IQCB1: variants seen among roughly 807,000 people sequenced by gnomAD.
The protein encoded by IQCB1 is IQ motif containing B1, also known as IQ calmodulin-binding motif-containing protein 1.
A neutral mutation model predicts 84.4 loss-of-function variants in IQCB1; 56 were observed. The ratio of observed to expected loss-of-function variants is 0.66; its 90% CI spans 0.54 to 0.83. IQCB1 has a LOEUF of 0.83. Among genes scored for constraint, IQCB1 ranks in the 40% least tolerant of loss-of-function variants. IQCB1 has a pLI of 0.00. For missense variants in IQCB1, 629 were observed against 682.1 expected (o/e 0.92, Z 0.87); for synonymous variants, 210 against 234.8 (o/e 0.89, Z 0.96).
At chr3:121,808,157 G>A (rs1273986342) in intron 6 of IQCB1, among the ~76,000 whole-genome samples, 3 of 151,916 alleles carry the variant, frequency 2.0e-5, no homozygotes, top group African/African-American at 4.8e-5. Context: ...CTAACTGAAC[G>A]TAGTTGCCTT....
chr3:121,799,234 T>C lies in IQCB1; in HGVS notation c.728A>G (p.Glu243Gly). ...LLLLMAESHQ[E>G]ILILLRQSTC... ...ACTTTGTCTCAGTAAAATCAAAATT[T>C]CCTGATGGGATTCAGCCATCAACAG... The change falls in exon 8 of 15, where the codon GAA becomes GGA. Residue 243 changes from glutamate (E) to glycine (G), a missense_variant. Coordinates refer to ENST00000310864, the MANE Select transcript of IQCB1 (RefSeq NM_001023570.4). 6.2e-7 allele frequency: 1 copy of C among 1,610,858 alleles called. No homozygotes were observed. The highest frequency in any genetic ancestry group is 8.5e-7 in the Non-Finnish European group (1 of 1,178,094).
chr3:121,779,063 G>A (rs6438661), intron 13 of IQCB1, among the ~76,000 whole-genome samples: 41,789 of 151,738 alleles, frequency 0.28, 6,280 homozygotes, highest in Admixed American at 0.44. Context: ...AGAACTTAAA[G>A]TATAATAAAA....
chr3:121,826,059 C>G lies in IQCB1; in HGVS notation c.385G>C (p.Ala129Pro), dbSNP rs767567960. The G allele has an allele frequency of 6.2e-7, 1 of 1,612,466 alleles. No homozygotes were observed. The highest frequency in any genetic ancestry group is 8.5e-7 in the Non-Finnish European group (1 of 1,178,636). The change falls in exon 5 of 15, where the codon GCA (alanine) becomes CCA (proline). Residue 129 changes from alanine to proline, a missense_variant. Transcript: ENST00000310864. ...GRQLQTCFIN[A>P]AKAEEKDELL... ...ACTAAATAAACACATACCTTAGCTG[C>G]ATTGATAAAACATGTTTGTAATTGT...
chr3:121,775,703 A>T (rs1948198349), intron 13 of IQCB1, among the ~76,000 whole-genome samples: 1 of 151,804 alleles, frequency 6.6e-6, no homozygotes, highest in Non-Finnish European at 1.5e-5. Flanking sequence ...GGACCCCTAA[A>T]TTTTTTTTTA....
intron 5 of IQCB1, among the ~76,000 whole-genome samples, chr3:121,809,970 G>A (rs183319285): frequency 1.5e-3 from 228 of 149,586 alleles, no homozygotes; most frequent in Admixed American, 3.6e-3. Context: ...CATAAGAAAC[G>A]TCACATTAGA....
chr3:121,810,977 C>A (rs568825235), intron 5 of IQCB1, among the ~76,000 whole-genome samples: 3 of 152,296 alleles, frequency 2.0e-5, no homozygotes, highest in African/African-American at 7.2e-5. Context: ...GAGTTAAATT[C>A]TCTGCCAGGG....
chr3:121,807,137 T>C (rs1223750629), intron 7 of IQCB1, among the ~76,000 whole-genome samples: 2 of 111,868 alleles, frequency 1.8e-5, no homozygotes, highest in African/African-American at 7.0e-5. Flanking sequence ...TTAATTTTTC[T>C]GAAAGACAAT....
rs1708144303 is a variant in IQCB1, at chr3:121,834,471, C to CA, written c.-94dup. 1 of 152,238 alleles carries CA rather than the reference C, an allele frequency of 6.6e-6. No individual in the cohort carries two copies. The highest frequency in any genetic ancestry group is 1.5e-5 in the Non-Finnish European group (1 of 68,080). 9.4% of individuals were successfully genotyped at this position (152,238 alleles called of 1,614,324 possible). ...CCCTCGCCGCGCCTGTTACTGCCTC[C>CA]ACGGATCACTGTGAGGAAAATAAAT... is the stretch of plus-strand genomic sequence containing the variant. On this transcript the variant is annotated 5_prime_UTR_variant, in exon 2 of 15. An upstream open reading frame in the 5' UTR loses its in-frame stop. Coordinates refer to ENST00000310864, the MANE Select transcript of IQCB1 (RefSeq NM_001023570.4).
intron 13 of IQCB1, among the ~76,000 whole-genome samples, chr3:121,775,039 G>T (rs764191038): frequency 2.0e-5 from 3 of 152,132 alleles, no homozygotes; most frequent in Non-Finnish European, 2.9e-5. Flanking sequence ...GATTAAATTT[G>T]TAAATGATTA....
rs181641393 is a variant in IQCB1 at position 121,815,594 on chromosome 3, G to C, written c.394-6585C>G. Among the ~76,000 whole-genome samples the C allele has an allele frequency of 9.2e-5, 14 of 152,154 alleles. No individual in the cohort carries two copies. In the East Asian group the frequency reaches 2.7e-3, roughly 29 times the overall value. ...CAAAACCAATCTGCAAAAATCACAA[G>C]CATTCCTATACACCAATGATAGACA... On this transcript the variant is annotated intron_variant, in intron 5 of 14. Coordinates refer to ENST00000310864, the MANE Select transcript of IQCB1 (RefSeq NM_001023570.4).
chr3:121,819,865 T>C (rs955400248), intron 5 of IQCB1, among the ~76,000 whole-genome samples: 9 of 152,216 alleles, frequency 5.9e-5, no homozygotes, highest in African/African-American at 1.9e-4. Flanking sequence ...ATATTTTATA[T>C]TAGCATTTTT....
intron 10 of IQCB1, among the ~76,000 whole-genome samples, chr3:121,793,459 T>C (rs1001369156): frequency 2.0e-5 from 3 of 151,772 alleles, no homozygotes; most frequent in Admixed American, 2.0e-4. Context: ...CTGAGATAAG[T>C]CCTGAGCACA....
chr3:121,786,170 C>CAAGAAAAGAAAGAAAAGAAAAGAAAAG, intron 12 of IQCB1, among the ~76,000 whole-genome samples: 1 of 72,876 alleles, frequency 1.4e-5, no homozygotes, highest in Non-Finnish European at 2.5e-5. Flanking sequence ...GATTCTGTCT[C>CAAGAAAAGAAAGAAAAGAAAAGAAAAG]AAAAGAAAAG....
chr3:121,819,009 T>C (rs969535464), intron 5 of IQCB1, among the ~76,000 whole-genome samples: 15 of 152,166 alleles, frequency 9.9e-5, no homozygotes, highest in South Asian at 2.1e-4. Context: ...GTCTCTAACC[T>C]TTTTTGCACC....
In IQCB1 at chr3:121,826,065, T is replaced by C. The variant is rs761212447; in HGVS notation, c.379A>G (p.Ile127Val). ...TAAACACATACCTTAGCTGCATTGA[T>C]AAAACATGTTTGTAATTGTCTCCCC... ...VLGRQLQTCF[I>V]NAAKAEEKDE... Residue 127 changes from isoleucine to valine, a missense_variant, in exon 5 of 15, where the codon ATC becomes GTC. By Grantham distance (29) the Ile-to-Val change is conservative (BLOSUM62 3). Transcript: ENST00000310864. 3.7e-6 allele frequency: 6 copies of C among 1,612,968 alleles called. No homozygotes were observed. Among genetic ancestry groups the C allele is most frequent in the Non-Finnish European group, 4.2e-6 (5 of 1,179,040 alleles).
chr3:121,782,244 G>T (rs1948528613), intron 12 of IQCB1, among the ~76,000 whole-genome samples: 1 of 152,216 alleles, frequency 6.6e-6, no homozygotes, highest in Admixed American at 6.5e-5. Context: ...ACACAGCCTA[G>T]ATGATTGTAA....
At chr3:121,819,253 A>G (rs1397909129) in intron 5 of IQCB1, among the ~76,000 whole-genome samples, 2 of 152,204 alleles carry the variant, frequency 1.3e-5, no homozygotes, top group South Asian at 2.1e-4. Context: ...GGAGACAGTG[A>G]CAAATCATCA....
intron 2 of IQCB1, 52 bp from the exon 3 acceptor site, chr3:121,829,024 A>T: frequency 2.2e-6 from 2 of 927,506 alleles, no homozygotes; most frequent in Non-Finnish European, 3.6e-6. Flanking sequence ...GGAAATGTTC[A>T]CTACCTAAAT....
intron 9 of IQCB1, 47 bp downstream of exon 9, chr3:121,797,071 T>C (rs376273368): frequency 3.7e-5 from 35 of 949,364 alleles, no homozygotes; most frequent in Non-Finnish European, 5.4e-5. Context: ...TAAGGTTTAA[T>C]ATAGTCAGCA....
Sources: gnomAD v4.1 joint callset for allele counts (sites outside exome capture counted in the v4.1 genomes callset) on GRCh38, gnomAD v4.1.1 for gene constraint, MANE v1.5 for transcripts, NCBI Gene and HGNC (gene_info 2026-07-23, HGNC 2026-07-21) for gene names.